Variants in TRMT9B observed in about 807,000 individuals in gnomAD.
TRMT9B encodes the protein probable tRNA methyltransferase 9B.
In TRMT9B, 16 loss-of-function variants were observed where a neutral mutation model predicts 11.5. The ratio of observed to expected loss-of-function variants is 1.39; its 90% CI spans 0.94 to 2.11. The LOEUF (loss-of-function observed/expected upper bound fraction) is 2.11. Ranked by LOEUF, TRMT9B falls within the 30% of genes most tolerant of loss-of-function variation. The pLI is 0.00. For missense variants in TRMT9B, 941 were observed against 553.8 expected, an observed-to-expected ratio of 1.70 and a Z score of -7.02; for synonymous variants, 274 against 192.4, an observed-to-expected ratio of 1.42 and a Z score of -3.51.
chr8:13,017,303 A>T (rs1376999554), intron 4 of TRMT9B, among the ~76,000 whole-genome samples: 1 of 152,186 alleles, frequency 6.6e-6, no homozygotes, highest in Non-Finnish European at 1.5e-5. Context: ...ATTCAAGGAG[A>T]TCATGTGTAA....
At chr8:12,989,723 T>C (rs1055966120) in intron 1 of TRMT9B, among the ~76,000 whole-genome samples, 8 of 152,220 alleles carry the variant, frequency 5.3e-5, no homozygotes, top group Non-Finnish European at 8.8e-5. Context: ...AGCTTTACCC[T>C]GTCATAGGGA....
Position 13,021,725 on chromosome 8 carries a change from T to G in TRMT9B, c.1046T>G (p.Phe349Cys). 6.2e-7 allele frequency: 1 copy of G among 1,613,938 alleles called. No individual in the cohort carries two copies. Among genetic ancestry groups the G allele is most frequent in the Non-Finnish European group, 8.5e-7 (1 of 1,179,870 alleles). The change falls in exon 5 of 5, where the codon TTT becomes TGT. Residue 349 changes from phenylalanine to cysteine, a missense_variant. Coordinates refer to ENST00000524591, the MANE Select transcript of TRMT9B (RefSeq NM_020844.3). Reference sequence around the variant, plus strand: ...ATGAGGAGAAATGGAGGGGGAAATTTTCTGGATAGCACTAATACTGGTGTG... The same window carrying G: ...ATGAGGAGAAATGGAGGGGGAAATTGTCTGGATAGCACTAATACTGGTGTG... ...GEMRRNGGGN[F>C]LDSTNTGVNC...
chr8:13,003,942 C>T (rs906203667), intron 2 of TRMT9B, among the ~76,000 whole-genome samples: 8 of 151,494 alleles, frequency 5.3e-5, no homozygotes, highest in Non-Finnish European at 1.2e-4. Flanking sequence ...GCCATCCCTC[C>T]TCCAACTCCC....
At chr8:12,959,450 A>T (rs1166483979) in intron 1 of TRMT9B, among the ~76,000 whole-genome samples, 4 of 150,202 alleles carry the variant, frequency 2.7e-5, no homozygotes, top group East Asian at 2.0e-4. Context: ...ACAACTGGAA[A>T]CACTTCTGGT....
intron 1 of TRMT9B, among the ~76,000 whole-genome samples, chr8:12,950,750 A>G (rs941264934): frequency 6.6e-6 from 1 of 152,118 alleles, no homozygotes; most frequent in Non-Finnish European, 1.5e-5. Flanking sequence ...AGCACCTGAA[A>G]TAGACCAGCG....
chr8:12,988,415 A>T (rs1806712850), intron 1 of TRMT9B, among the ~76,000 whole-genome samples: 1 of 152,236 alleles, frequency 6.6e-6, no homozygotes, highest in African/African-American at 2.4e-5. Context: ...ATATGATTAC[A>T]GTATTAGTCC....
chr8:12,953,154 G>C (rs1414485806), intron 1 of TRMT9B, among the ~76,000 whole-genome samples: 1 of 152,206 alleles, frequency 6.6e-6, no homozygotes, highest in Non-Finnish European at 1.5e-5. Context: ...TTAGGTGGTA[G>C]GCATGAATTT....
chr8:12,962,964 A>G (rs555622738), intron 1 of TRMT9B, among the ~76,000 whole-genome samples: 76 of 152,208 alleles, frequency 5.0e-4, no homozygotes, highest in Non-Finnish European at 9.1e-4. Flanking sequence ...TGTCAAGTTA[A>G]AAACTTGTAG....
intron 1 of TRMT9B, among the ~76,000 whole-genome samples, chr8:12,964,853 A>G (rs1400460833): frequency 6.6e-6 from 1 of 152,140 alleles, no homozygotes; most frequent in Admixed American, 6.5e-5. Context: ...CGGCCTCCCA[A>G]AGTGCTGGGA....
intron 2 of TRMT9B, among the ~76,000 whole-genome samples, chr8:13,001,524 G>C (rs986929480): frequency 6.6e-6 from 1 of 152,126 alleles, no homozygotes; most frequent in Non-Finnish European, 1.5e-5. Flanking sequence ...GAATGAAAAA[G>C]GATGATCAGG....
chr8:13,021,113 A>T lies in TRMT9B; in HGVS notation c.434A>T (p.Glu145Val), dbSNP rs1813753832. ...GQLMIYVWAM[E>V]QKNRHFEKQD... ...CTGATGATTTACGTTTGGGCAATGG[A>T]ACAAAAGAACCGTCACTTTGAGAAG... is the stretch of plus-strand genomic sequence containing the variant. The change falls in exon 5 of 5, where the codon GAA becomes GTA. Residue 145 changes from glutamate (E) to valine (V), a missense_variant. Physicochemically the swap from Glu to Val is moderately radical, Grantham distance 121. Coordinates refer to ENST00000524591, the MANE Select transcript of TRMT9B (RefSeq NM_020844.3). 6.2e-7 allele frequency: 1 copy of T among 1,612,430 alleles called. No homozygotes were observed. The highest frequency in any genetic ancestry group is 8.5e-7 in the Non-Finnish European group (1 of 1,179,034).
chr8:13,006,300 C>A lies in TRMT9B; in HGVS notation c.98C>A (p.Pro33His), dbSNP rs1437147064. 1 of 1,613,748 alleles carries A rather than the reference C, an allele frequency of 6.2e-7. No individual in the cohort carries two copies. The highest frequency in any genetic ancestry group is 2.2e-5 in the East Asian group (1 of 44,900). ...YFSDLQSKAW[P>H]RVRQFLQEQK... Reference sequence around the variant, plus strand: ...AGCGACCTGCAGAGCAAAGCCTGGCCTCGTGTCCGCCAGTTCCTGCAAGAG... The same window carrying A: ...AGCGACCTGCAGAGCAAAGCCTGGCATCGTGTCCGCCAGTTCCTGCAAGAG... Residue 33 changes from proline to histidine, a missense_variant, in exon 3 of 5, where the codon CCT becomes CAT. Physicochemically the swap from Pro to His is moderately conservative, Grantham distance 77. Coordinates refer to ENST00000524591, the MANE Select transcript of TRMT9B (RefSeq NM_020844.3).
chr8:12,980,027 T>C (rs970390948), intron 1 of TRMT9B, among the ~76,000 whole-genome samples: 1 of 151,992 alleles, frequency 6.6e-6, no homozygotes, highest in Non-Finnish European at 1.5e-5. Context: ...AGGATGAGAG[T>C]TCATGGTTGA....
intron 1 of TRMT9B, among the ~76,000 whole-genome samples, chr8:12,953,120 A>T (rs1800848982): frequency 6.6e-6 from 1 of 152,216 alleles, no homozygotes; most frequent in Admixed American, 6.5e-5. Context: ...TAAGGCTGTA[A>T]ACGTCTACTT....
rs1029846881 is a variant in TRMT9B at position 13,023,215 on chromosome 8, A to T, written c.*1171A>T. 2 of 167,110 alleles carry T rather than the reference A, an allele frequency of 1.2e-5. No homozygotes were observed. The highest frequency in any genetic ancestry group is 4.8e-5 in the African/African-American group (2 of 41,472). The allele number at this position is 167,110 out of a possible 1,614,324, so 10.4% of individuals were successfully genotyped here. Reference sequence around the variant, plus strand: ...GACTAATGATGAGTCTGCATCAAGAACTAGGCATTTCTTCTGAGTTGACGG... The same window carrying T: ...GACTAATGATGAGTCTGCATCAAGATCTAGGCATTTCTTCTGAGTTGACGG... On this transcript the variant is annotated 3_prime_UTR_variant, in exon 5 of 5. Transcript: ENST00000524591.
chr8:12,990,868 T>C lies in TRMT9B; in HGVS notation c.-165T>C, dbSNP rs1297684861. The C allele has an allele frequency of 7.8e-7, 1 of 1,289,168 alleles. No individual in the cohort carries two copies. The highest frequency in any genetic ancestry group is 2.3e-5 in the Admixed American group (1 of 43,506). The allele number at this position is 1,289,168 out of a possible 1,614,324, so 79.9% of individuals were successfully genotyped here. On this transcript the variant is annotated 5_prime_UTR_variant, in exon 2 of 5. Coordinates refer to ENST00000524591, the MANE Select transcript of TRMT9B (RefSeq NM_020844.3). ...TTCCTTCAGAGACTCACACAAGAGGTTTATCATGAGAAGGACCGCACTATT... is the reference window on the plus strand; with the variant it reads ...TTCCTTCAGAGACTCACACAAGAGGCTTATCATGAGAAGGACCGCACTATT...
chr8:12,979,497 AT>A (rs1469099569), intron 1 of TRMT9B, among the ~76,000 whole-genome samples: 1 of 152,050 alleles, frequency 6.6e-6, no homozygotes, highest in African/African-American at 2.4e-5. Context: ...AAATAAAAAA[AT>A]AAAGGTTTGT....
intron 3 of TRMT9B, among the ~76,000 whole-genome samples, chr8:13,009,022 C>T (rs1381159290): frequency 6.6e-6 from 1 of 152,070 alleles, no homozygotes; most frequent in South Asian, 2.1e-4. Context: ...GCCACCGCGC[C>T]CGGCCGGTAA....
rs764131417 is a variant in TRMT9B at position 13,006,253 on chromosome 8, C to A, written c.51C>A (p.Tyr17Ter). The change falls in exon 3 of 5, where the codon TAC (tyrosine) becomes TAA (stop). Residue 17 changes from tyrosine (Y) to a stop codon, truncating the protein, a stop_gained. Coordinates refer to ENST00000524591, the MANE Select transcript of TRMT9B (RefSeq NM_020844.3). LOFTEE classifies it high-confidence loss of function. ...QLEKQHVHNV[Y>*]ESTAPYFSDL... ...AGAAGCAGCATGTGCACAATGTGTACGAGAGCACAGCCCCTTACTTCAGCG... is the reference window on the plus strand; with the variant it reads ...AGAAGCAGCATGTGCACAATGTGTAAGAGAGCACAGCCCCTTACTTCAGCG... 3.7e-6 allele frequency: 6 copies of A among 1,613,938 alleles called. No homozygotes were observed. The South Asian group carries it at 6.6e-5, about 18-fold the overall frequency.
Sources: allele counts gnomAD v4.1 joint callset (sites outside exome capture counted in the v4.1 genomes callset), GRCh38; gene constraint gnomAD v4.1.1; transcripts MANE v1.5; gene names NCBI Gene and HGNC (gene_info 2026-07-23, HGNC 2026-07-21).